ZNF470: variants seen among roughly 807,000 people sequenced by gnomAD.
ZNF470 encodes the protein chondrogenesis zinc finger protein 1.
Under a neutral mutation model 13.9 loss-of-function variants are expected in ZNF470, and 13 were observed. The ratio of observed to expected loss-of-function variants is 0.94; its 90% CI spans 0.61 to 1.49. The LOEUF (loss-of-function observed/expected upper bound fraction) is 1.49, where lower values mean the gene tolerates loss of function less well. Ranked by LOEUF, ZNF470 falls within the 40% of genes most tolerant of loss-of-function variation. The pLI is 0.00. For synonymous variants in ZNF470, 293 were observed against 282.9 expected (o/e 1.04, Z -0.36); for missense variants, 929 against 857.3 (o/e 1.08, Z -1.04).
At chr19:56,570,893 A>G (rs755126681) in intron 3 of ZNF470, among the ~76,000 whole-genome samples, 2 of 152,180 alleles carry the variant, frequency 1.3e-5, no homozygotes, top group Middle Eastern at 3.2e-3. Context: ...CTTCCTCTCT[A>G]CTGATGAAGC....
Position 56,567,986 on chromosome 19 carries a change from C to G in ZNF470, c.-211C>G, listed in dbSNP as rs2044423734. ...GGAAGGGGCAGAGCCCAGGACAGGG[C>G]TCCATGTCCACAGGACGGCGAGGAG... is the stretch of plus-strand genomic sequence containing the variant. On this transcript the variant is annotated 5_prime_UTR_variant, in exon 1 of 6. Transcript: ENST00000330619. 1.0e-6 allele frequency: 1 copy of G among 985,588 alleles called. No individual in the cohort carries two copies. The highest frequency in any genetic ancestry group is 1.2e-6 in the Non-Finnish European group (1 of 830,062). 61.1% of individuals were successfully genotyped at this position (985,588 alleles called of 1,614,324 possible). A position where few individuals can be genotyped will look rare whatever the true frequency, so the allele number is the denominator to read the frequency against.
Position 56,581,012 on chromosome 19 carries a change from AGACT to A in ZNF470, c.*2430_*2433del. On this transcript the variant is annotated 3_prime_UTR_variant, in exon 6 of 6. Coordinates refer to ENST00000330619, the MANE Select transcript of ZNF470 (RefSeq NM_001001668.4). ...TATATATGTACCCTCGGTTTGAAAT[AGACT>A]TTAAGCACTAATGCATAACCCCAAA... 1.0e-6 allele frequency: 1 copy of A among 985,318 alleles called. No homozygotes were observed. Among genetic ancestry groups the A allele is most frequent in the Non-Finnish European group, 1.2e-6 (1 of 829,806 alleles). 61.0% of individuals were successfully genotyped at this position (985,318 alleles called of 1,614,324 possible). A position where few individuals can be genotyped will look rare whatever the true frequency, so the allele number is the denominator to read the frequency against.
intron 2 of ZNF470, among the ~76,000 whole-genome samples, chr19:56,569,117 T>C (rs955609077): frequency 1.3e-5 from 2 of 152,232 alleles, no homozygotes; most frequent in African/African-American, 4.8e-5. Flanking sequence ...GTCCCTGCCA[T>C]GTAATGTGTT....
rs902336704 is a variant in ZNF470 at position 56,580,245 on chromosome 19, T to C, written c.*1662T>C. On this transcript the variant is annotated 3_prime_UTR_variant, in exon 6 of 6. Coordinates refer to ENST00000330619, the MANE Select transcript of ZNF470 (RefSeq NM_001001668.4). ...AGTCATGATAGTCCCAAGGCAGATA[T>C]TGTTTATGATGCTTTGAGTGTTGGA... 7 of 768,756 alleles carry C rather than the reference T, an allele frequency of 9.1e-6. No homozygotes were observed. Among genetic ancestry groups the C allele is most frequent in the African/African-American group, 7.6e-5 (4 of 52,292 alleles). 47.6% of individuals were successfully genotyped at this position (768,756 alleles called of 1,614,324 possible). A position where few individuals can be genotyped will look rare whatever the true frequency, so the allele number is the denominator to read the frequency against.
At chr19:56,576,455 G>A (rs971441777) in intron 5 of ZNF470, among the ~76,000 whole-genome samples, 1 of 152,234 alleles carries the variant, frequency 6.6e-6, no homozygotes, top group East Asian at 1.9e-4. Context: ...ACCAAAAAGA[G>A]AAATTAGAGA....
At chr19:56,573,783 TGAA>T (rs1160831213) in intron 3 of ZNF470, 1 of 188,472 alleles carries the variant, frequency 5.3e-6, no homozygotes, top group East Asian at 1.9e-4. Context: ...CTCTACAAAA[TGAA>T]GAAGTAAATA....
At position 56,570,373 on chromosome 19, in the gene ZNF470, T is replaced by A; in HGVS notation, c.60+2T>A. On this transcript the variant is annotated splice_donor_variant, in intron 3 of 5. Coordinates refer to ENST00000330619, the MANE Select transcript of ZNF470 (RefSeq NM_001001668.4). LOFTEE classifies it high-confidence loss of function. ...AAACTTTGTAAAGCCATGTCCCTGG[T>A]GAGTTAGTATTCCCCCTCTCCCCAC... The A allele has an allele frequency of 6.2e-7, 1 of 1,613,764 alleles. No individual in the cohort carries two copies. Among genetic ancestry groups the A allele is most frequent in the Non-Finnish European group, 8.5e-7 (1 of 1,179,736 alleles).
In ZNF470 at chr19:56,582,659, G is replaced by A; in HGVS notation, c.*4076G>A. On this transcript the variant is annotated 3_prime_UTR_variant, in exon 6 of 6. Transcript: ENST00000330619. The stretch of plus-strand genomic sequence containing the variant: ...CTTTAAGAAACTAAGGTTAAGTTAG[G>A]CCATAAGAGTGAGGCCCTAATCCCA... 1.2e-6 allele frequency: 1 copy of A among 818,172 alleles called. No individual in the cohort carries two copies. Among genetic ancestry groups the A allele is most frequent in the Non-Finnish European group, 1.5e-6 (1 of 677,666 alleles). The allele number at this position is 818,172 out of a possible 1,614,324, so 50.7% of individuals were successfully genotyped here.
rs1425317832 is a variant in ZNF470 at position 56,581,647 on chromosome 19, T to C, written c.*3064T>C. The C allele has an allele frequency of 1.1e-6, 1 of 944,574 alleles. No homozygotes were observed. Among genetic ancestry groups the C allele is most frequent in the African/African-American group, 1.8e-5 (1 of 56,416 alleles). 58.5% of individuals were successfully genotyped at this position (944,574 alleles called of 1,614,324 possible). A position where few individuals can be genotyped will look rare whatever the true frequency, so the allele number is the denominator to read the frequency against. On this transcript the variant is annotated 3_prime_UTR_variant, in exon 6 of 6. Coordinates refer to ENST00000330619, the MANE Select transcript of ZNF470 (RefSeq NM_001001668.4). ...AAAATTGCAGACCTGTATTGTAGTA[T>C]AGGCCCATAATTGTGATATCAAAAA... is the stretch of plus-strand genomic sequence containing the variant.
At position 56,577,225 on chromosome 19, in the gene ZNF470, A is replaced by G. The variant is rs2044495425; in HGVS notation, c.796A>G (p.Ser266Gly). ...ATGTATTGAATGTGGAAAGGCCTTT[A>G]GCCAGAGTGCCCACCTTGCTCAACA... is the stretch of plus-strand genomic sequence containing the variant. Reference protein sequence around the residue: ...YECIECGKAFSQSAHLAQHQR... With the variant: ...YECIECGKAFGQSAHLAQHQR... Residue 266 changes from serine to glycine, a missense_variant, in exon 6 of 6, where the codon AGC (serine) becomes GGC (glycine). Physicochemically the swap from Ser to Gly is moderately conservative, Grantham distance 56. Coordinates refer to ENST00000330619, the MANE Select transcript of ZNF470 (RefSeq NM_001001668.4). 6.2e-7 allele frequency: 1 copy of G among 1,612,332 alleles called. No homozygotes were observed.
In ZNF470 at chr19:56,577,966, G is replaced by A; in HGVS notation, c.1537G>A (p.Glu513Lys). Residue 513 changes from glutamate (E) to lysine (K), a missense_variant, in exon 6 of 6, where the codon GAA becomes AAA. Coordinates refer to ENST00000330619, the MANE Select transcript of ZNF470 (RefSeq NM_001001668.4). The stretch of plus-strand genomic sequence containing the variant: ...TGGAGAGAAACCTTATGAATGTAAG[G>A]AATGCAGCAAAACCTTCAGCCAGAA... ...HTGEKPYECK[E>K]CSKTFSQNAH... is the part of the protein sequence containing the mutation. 6.2e-7 allele frequency: 1 copy of A among 1,614,000 alleles called. No individual in the cohort carries two copies. Among genetic ancestry groups the A allele is most frequent in the Non-Finnish European group, 8.5e-7 (1 of 1,180,002 alleles).
In ZNF470 at chr19:56,574,003, A is replaced by G. The variant is rs185885936; in HGVS notation, c.61-391A>G. The G allele has an allele frequency of 1.8e-3, 1,770 of 974,712 alleles. 128 individuals carry two copies. The Admixed American group carries it at 0.099, about 55-fold the overall frequency. The allele number at this position is 974,712 out of a possible 1,614,324, so 60.4% of individuals were successfully genotyped here. ...TCATCAGGTCAGCATCCTTCCTTGCAAGTTTTTCTCACAGTTCCAGAGCTC... is the reference window on the plus strand; with the variant it reads ...TCATCAGGTCAGCATCCTTCCTTGCGAGTTTTTCTCACAGTTCCAGAGCTC... On this transcript the variant is annotated intron_variant, in intron 3 of 5. Coordinates refer to ENST00000330619, the MANE Select transcript of ZNF470 (RefSeq NM_001001668.4).
In ZNF470 at chr19:56,581,702, ATTTG is replaced by A. The variant is rs1033619990; in HGVS notation, c.*3123_*3126del. 5.1e-6 allele frequency: 5 copies of A among 984,908 alleles called. No homozygotes were observed. The African/African-American group carries it at 8.7e-5, about 17-fold the overall frequency. The allele number at this position is 984,908 out of a possible 1,614,324, so 61.0% of individuals were successfully genotyped here. A position where few individuals can be genotyped will look rare whatever the true frequency, so the allele number is the denominator to read the frequency against. On this transcript the variant is annotated 3_prime_UTR_variant, in exon 6 of 6. Coordinates refer to ENST00000330619, the MANE Select transcript of ZNF470 (RefSeq NM_001001668.4). Reference sequence around the variant, plus strand: ...AATCAAAATATATATTATAGTAGGCATTTGTTTTTCTCTGCCCAGTTTCCCTTGC... The same window carrying A: ...AATCAAAATATATATTATAGTAGGCATTTTTCTCTGCCCAGTTTCCCTTGC...
chr19:56,567,555 C>A lies in ZNF470; in HGVS notation c.-642C>A, dbSNP rs2147976475. ...GGTCTGGGCGGGGCAGCGGCCGAGG[C>A]TGGACTGGGGCGCGGCGGGGGCGGT... is the stretch of plus-strand genomic sequence containing the variant. On this transcript the variant is annotated 5_prime_UTR_variant, in exon 1 of 6. In the 5' UTR this introduces an upstream ATG that the reference lacks. Transcript: ENST00000330619. The A allele has an allele frequency of 1.0e-6, 1 of 985,720 alleles. No homozygotes were observed. Among genetic ancestry groups the A allele is most frequent in the Non-Finnish European group, 1.2e-6 (1 of 830,676 alleles). The allele number at this position is 985,720 out of a possible 1,614,324, so 61.1% of individuals were successfully genotyped here.
In ZNF470 at chr19:56,581,446, G is replaced by T. The variant is rs992379180; in HGVS notation, c.*2863G>T. The T allele has an allele frequency of 1.1e-5, 11 of 959,154 alleles. No homozygotes were observed. In the African/African-American group the frequency reaches 1.8e-4, roughly 15 times the overall value. The allele number at this position is 959,154 out of a possible 1,614,324, so 59.4% of individuals were successfully genotyped here. ...TCCTTGGAAACCAACATATACAAAG[G>T]TAGATAAATGTATTAGTGGCAAAAA... is the stretch of plus-strand genomic sequence containing the variant. On this transcript the variant is annotated 3_prime_UTR_variant, in exon 6 of 6. Coordinates refer to ENST00000330619, the MANE Select transcript of ZNF470 (RefSeq NM_001001668.4).
chr19:56,577,336 C>T lies in ZNF470; in HGVS notation c.907C>T (p.Gln303Ter), dbSNP rs1261868899. Residue 303 changes from glutamine (Q) to a stop codon, truncating the protein, a stop_gained, in exon 6 of 6, where the codon CAG becomes TAG. Coordinates refer to ENST00000330619, the MANE Select transcript of ZNF470 (RefSeq NM_001001668.4). LOFTEE classifies it low-confidence loss of function (END_TRUNC). ...CCAGAATGCTCATCTTGTTCAACACCAGAGAGTTCATACTGGAGAGAAACC... is the reference window on the plus strand; with the variant it reads ...CCAGAATGCTCATCTTGTTCAACACTAGAGAGTTCATACTGGAGAGAAACC... Reference protein sequence around the residue: ...FSQNAHLVQHQRVHTGEKPYQ... With the variant: ...FSQNAHLVQH 4 of 1,613,768 alleles carry T rather than the reference C, an allele frequency of 2.5e-6. No homozygotes were observed. The South Asian group carries it at 4.4e-5, about 18-fold the overall frequency.
At chr19:56,570,618 T>C (rs962795754) in intron 3 of ZNF470, among the ~76,000 whole-genome samples, 1 of 152,218 alleles carries the variant, frequency 6.6e-6, no homozygotes, top group Non-Finnish European at 1.5e-5. Context: ...TGACCCAGTC[T>C]GAGCCCTTCC....
chr19:56,577,625 G>C lies in ZNF470; in HGVS notation c.1196G>C (p.Cys399Ser). The C allele has an allele frequency of 1.2e-6, 2 of 1,614,062 alleles. No individual in the cohort carries two copies. Among genetic ancestry groups the C allele is most frequent in the Middle Eastern group, 1.6e-4 (1 of 6,062 alleles). Residue 399 changes from cysteine (C) to serine (S), a missense_variant, in exon 6 of 6, where the codon TGT (cysteine) becomes TCT (serine). Coordinates refer to ENST00000330619, the MANE Select transcript of ZNF470 (RefSeq NM_001001668.4). Reference sequence around the variant, plus strand: ...CATACTGGAGAGAAACCCTTTGACTGTATTGATTGTGGGAAGGCTTTCACT... The same window carrying C: ...CATACTGGAGAGAAACCCTTTGACTCTATTGATTGTGGGAAGGCTTTCACT... ...YYHTGEKPFD[C>S]IDCGKAFTDH... is the part of the protein sequence containing the mutation.
Position 56,577,003 on chromosome 19 carries a change from A to AT in ZNF470, c.579dup (p.Pro194SerfsTer8), listed in dbSNP as rs753904423. On this transcript the variant is annotated frameshift_variant, in exon 6 of 6. Coordinates refer to ENST00000330619, the MANE Select transcript of ZNF470 (RefSeq NM_001001668.4). LOFTEE classifies it low-confidence loss of function (END_TRUNC). ...GAATACATTATCTTATATAAAACAGATTTTTCCCATGGAAGAGAGAATATT... is the reference window on the plus strand; with the variant it reads ...GAATACATTATCTTATATAAAACAGATTTTTTCCCATGGAAGAGAGAATATT... 2 of 1,585,928 alleles carry AT rather than the reference A, an allele frequency of 1.3e-6. No homozygotes were observed. Among genetic ancestry groups the AT allele is most frequent in the African/African-American group, 1.4e-5 (1 of 73,044 alleles).
Sources: allele counts gnomAD v4.1 joint callset (sites outside exome capture counted in the v4.1 genomes callset), GRCh38; gene constraint gnomAD v4.1.1; transcripts MANE v1.5; gene names NCBI Gene and HGNC (gene_info 2026-07-23, HGNC 2026-07-21).